The following TCAIM variants were observed in gnomAD, a reference collection of about 807,000 sequenced individuals.
TCAIM encodes T cell activation inhibitor, mitochondrial, also known as T-cell activation inhibitor, mitochondrial.
A neutral mutation model predicts 58.6 loss-of-function variants in TCAIM; 36 were observed. The ratio of observed to expected loss-of-function variants is 0.61; its 90% confidence interval spans 0.47 to 0.81. The LOEUF is 0.81. Ranked by LOEUF, TCAIM falls within the 30% of genes least tolerant of loss-of-function variation. TCAIM has a pLI of 0.00. For synonymous variants in TCAIM, 172 were observed against 193.6 expected (o/e 0.89, Z 0.93); for missense variants, 466 against 579.6 (o/e 0.80, Z 2.01).
chr3:44,407,191 A>G (rs1294967729), intron 10 of TCAIM, among the ~76,000 whole-genome samples: 1 of 152,184 alleles, frequency 6.6e-6, no homozygotes, highest in East Asian at 1.9e-4. Flanking sequence ...TGTTATTTTT[A>G]GCCCTTTACT....
At chr3:44,359,213 T>A in intron 3 of TCAIM, 1 of 387,168 alleles carries the variant, frequency 2.6e-6, no homozygotes, top group Non-Finnish European at 3.5e-6. Flanking sequence ...AGTCCTCATC[T>A]CCTAAATTTA....
Position 44,401,251 on chromosome 3 carries a change from A to G in TCAIM, c.1167A>G (p.Pro389=). The change falls in exon 10 of 11, where the codon CCA becomes CCG. Residue 389 remains proline (P), a synonymous_variant. Transcript: ENST00000342649. ...SLHELGHFNI[P]TLCDPANLQW... ...ATGAACTCGGGCATTTTAATATTCCAACACTCTGTGATCCAGCAAATCTCC... is the reference window on the plus strand; with the variant it reads ...ATGAACTCGGGCATTTTAATATTCCGACACTCTGTGATCCAGCAAATCTCC... 6.2e-7 allele frequency: 1 copy of G among 1,614,090 alleles called. No homozygotes were observed. Among genetic ancestry groups the G allele is most frequent in the Non-Finnish European group, 8.5e-7 (1 of 1,179,996 alleles).
At chr3:44,403,042 G>T (rs1164728648) in intron 10 of TCAIM, among the ~76,000 whole-genome samples, 1 of 152,194 alleles carries the variant, frequency 6.6e-6, no homozygotes, top group Non-Finnish European at 1.5e-5. Flanking sequence ...GCCGAGGTGG[G>T]CGGATCACTT....
intron 5 of TCAIM, among the ~76,000 whole-genome samples, chr3:44,370,629 A>G (rs1701449684): frequency 6.6e-6 from 1 of 151,736 alleles, no homozygotes; most frequent in Non-Finnish European, 1.5e-5. Context: ...CATAAAGTGA[A>G]ATTAATAGTG....
intron 5 of TCAIM, among the ~76,000 whole-genome samples, chr3:44,377,334 ATATT>A (rs1701581823): frequency 1.3e-5 from 2 of 152,230 alleles, no homozygotes; most frequent in Admixed American, 6.5e-5. Flanking sequence ...GCAGCTATAA[ATATT>A]TATCTACCTA....
chr3:44,389,233 C>T (rs1479597368), intron 5 of TCAIM, among the ~76,000 whole-genome samples: 2 of 152,252 alleles, frequency 1.3e-5, no homozygotes, highest in Non-Finnish European at 1.5e-5. Context: ...GAGGTTGCAG[C>T]GAGCCGAGAT....
intron 5 of TCAIM, among the ~76,000 whole-genome samples, chr3:44,379,236 G>T (rs1701617080): frequency 6.6e-6 from 1 of 152,078 alleles, no homozygotes; most frequent in Non-Finnish European, 1.5e-5. Context: ...CTGTGGTCAG[G>T]TTGTGGAGAA....
intron 5 of TCAIM, among the ~76,000 whole-genome samples, chr3:44,369,075 G>A (rs1030169954): frequency 2.0e-5 from 3 of 152,104 alleles, no homozygotes; most frequent in Non-Finnish European, 4.4e-5. Context: ...AGAGGTTGCC[G>A]AATTGAAAAT....
chr3:44,368,780 G>A (rs1316763171), intron 5 of TCAIM, among the ~76,000 whole-genome samples: 26 of 152,278 alleles, frequency 1.7e-4, no homozygotes, highest in Non-Finnish European at 1.0e-4. Flanking sequence ...CCCAGCATTT[G>A]GGGAGGCCGA....
At chr3:44,358,017 A>T in intron 3 of TCAIM, 141 bp downstream of exon 3, 1 of 1,365,122 alleles carries the variant, frequency 7.3e-7, no homozygotes, top group South Asian at 1.6e-5. Context: ...TTTGAAATGT[A>T]GATACTGAAA....
At chr3:44,384,145 A>G (rs898887202) in intron 5 of TCAIM, among the ~76,000 whole-genome samples, 1 of 152,220 alleles carries the variant, frequency 6.6e-6, no homozygotes, top group Non-Finnish European at 1.5e-5. Flanking sequence ...CCTTGAAAAC[A>G]AAGGCTCTGA....
In TCAIM at chr3:44,360,761, G is replaced by A. The variant is rs537085371; in HGVS notation, c.166-604G>A. 5.4e-4 allele frequency among the ~76,000 whole-genome samples: 82 copies of A among 151,816 alleles called. 4 individuals are homozygous for A. The South Asian group carries it at 0.015, about 28-fold the overall frequency. ...GCTGGGACCACAAGCATGTACCACC[G>A]TGCCCAACTAATTTTTGTATTTTTT... On this transcript the variant is annotated intron_variant, in intron 3 of 10. Coordinates refer to ENST00000342649, the MANE Select transcript of TCAIM (RefSeq NM_173826.4).
At chr3:44,378,882 G>A (rs1701609640) in intron 5 of TCAIM, among the ~76,000 whole-genome samples, 1 of 151,968 alleles carries the variant, frequency 6.6e-6, no homozygotes, top group Admixed American at 6.6e-5. Context: ...AGCCAGGCCA[G>A]GCACAGTTGC....
At chr3:44,376,535 C>T (rs1370104352) in intron 5 of TCAIM, among the ~76,000 whole-genome samples, 2 of 151,790 alleles carry the variant, frequency 1.3e-5, no homozygotes, top group Non-Finnish European at 2.9e-5. Context: ...ATGTAATCCC[C>T]CCAGTAACCA....
At chr3:44,352,576 C>T (rs1056061870) in intron 1 of TCAIM, among the ~76,000 whole-genome samples, 5 of 152,198 alleles carry the variant, frequency 3.3e-5, no homozygotes, top group Non-Finnish European at 7.3e-5. Flanking sequence ...CCCTCACTAT[C>T]AGCATCCACA....
chr3:44,358,201 C>G, intron 3 of TCAIM: 1 of 1,226,238 alleles, frequency 8.2e-7, no homozygotes, highest in Non-Finnish European at 1.1e-6. Context: ...ATCTCTCTCT[C>G]TTTTTTTTTT....
chr3:44,407,391 G>T, intron 10 of TCAIM, 51 bp from the exon 11 acceptor site: 1 of 1,286,274 alleles, frequency 7.8e-7, no homozygotes, highest in Admixed American at 2.5e-5. Context: ...CTTTTGTTTG[G>T]TTATGACAAT....
At chr3:44,350,873 G>A (rs1220779185) in intron 1 of TCAIM, among the ~76,000 whole-genome samples, 3 of 151,974 alleles carry the variant, frequency 2.0e-5, no homozygotes, top group African/African-American at 4.8e-5. Context: ...TGCAAGCTTG[G>A]GGTCTGGTAC....
chr3:44,390,736 C>T (rs895857749), intron 5 of TCAIM, among the ~76,000 whole-genome samples: 1 of 151,836 alleles, frequency 6.6e-6, no homozygotes, highest in Non-Finnish European at 1.5e-5. Context: ...TTTGGCAGGT[C>T]GAGGCAGGAG....
Sources: gnomAD v4.1 joint callset for allele counts (sites outside exome capture counted in the v4.1 genomes callset) on GRCh38, gnomAD v4.1.1 for gene constraint, MANE v1.5 for transcripts, NCBI Gene and HGNC (gene_info 2026-07-23, HGNC 2026-07-21) for gene names.